The following TNPO1 variants were observed in gnomAD, a reference collection of about 807,000 sequenced individuals.
TNPO1 encodes transportin 1.
Under a neutral mutation model 119.5 loss-of-function variants are expected in TNPO1, and 8 were observed. That is an observed-to-expected ratio of 0.07 (90% confidence interval 0.04 to 0.12). The LOEUF is 0.12. TNPO1 is among the 10% of genes least tolerant of loss of function. The probability of loss-of-function intolerance (pLI) is 1.00; values close to 1 mark genes in which losing one functional copy is unlikely to be tolerated. For missense variants in TNPO1, 576 were observed against 1,089.8 expected (o/e 0.53, Z 6.64); for synonymous variants, 362 against 363.0 (o/e 1.00, Z 0.03).
At chr5:72,888,348 C>G in intron 13 of TNPO1, 45 bp downstream of exon 13, 4 of 1,545,554 alleles carry the variant, frequency 2.6e-6, no homozygotes, top group Non-Finnish European at 3.6e-6. Flanking sequence ...CAGTGAAAAA[C>G]TTAATTTTCA....
chr5:72,816,865 G>T, intron 1 of TNPO1, 113 bp downstream of exon 1: 3 of 1,333,490 alleles, frequency 2.2e-6, no homozygotes, highest in Non-Finnish European at 3.0e-6. Context: ...CCGCTCTCTC[G>T]GCGCCTGCCC....
intron 1 of TNPO1, among the ~76,000 whole-genome samples, chr5:72,818,516 T>C (rs1743800133): frequency 6.6e-6 from 1 of 152,212 alleles, no homozygotes; most frequent in Admixed American, 6.5e-5. Context: ...ATTTTAACCA[T>C]GTTGGATTCT....
chr5:72,844,793 CT>C (rs1745058721), intron 1 of TNPO1, among the ~76,000 whole-genome samples: 1 of 152,136 alleles, frequency 6.6e-6, no homozygotes, highest in Non-Finnish European at 1.5e-5. Context: ...CTCCAGTCTG[CT>C]TTTTAAACTA....
intron 9 of TNPO1, among the ~76,000 whole-genome samples, chr5:72,880,210 AGT>A (rs1262710105): frequency 6.6e-6 from 1 of 152,118 alleles, no homozygotes; most frequent in East Asian, 1.9e-4. Flanking sequence ...AAAAAGCACC[AGT>A]GTAACAAGGA....
chr5:72,885,697 G>T (rs966478458), intron 11 of TNPO1, among the ~76,000 whole-genome samples: 1 of 149,872 alleles, frequency 6.7e-6, no homozygotes, highest in Non-Finnish European at 1.5e-5. Context: ...GATGGGTAAG[G>T]TGTTAATTTC....
intron 5 of TNPO1, among the ~76,000 whole-genome samples, chr5:72,863,175 A>G (rs1164178585): frequency 2.0e-5 from 3 of 151,942 alleles, no homozygotes; most frequent in African/African-American, 7.3e-5. Flanking sequence ...GTAGAAATCT[A>G]TTTTTTGTGG....
rs756173444 is a variant in TNPO1 at position 72,888,065 on chromosome 5, AT to A, written c.1304-5del. ...TAAATTTTAGCATTTTGAAAGATTT[AT>A]TTTTTTTCTAGGTTGCATGCAGGGC... On this transcript the variant is annotated splice_polypyrimidine_tract_variant and intron_variant, in intron 12 of 24. Coordinates refer to ENST00000337273, the MANE Select transcript of TNPO1 (RefSeq NM_002270.4). 3.1e-6 allele frequency: 5 copies of A among 1,600,416 alleles called. No individual in the cohort carries two copies. The highest frequency in any genetic ancestry group is 1.7e-5 in the Admixed American group (1 of 57,710).
At chr5:72,832,279 T>C (rs1744509433) in intron 1 of TNPO1, among the ~76,000 whole-genome samples, 1 of 152,182 alleles carries the variant, frequency 6.6e-6, no homozygotes, top group Non-Finnish European at 1.5e-5. Flanking sequence ...TCTTTGCTAA[T>C]TGGACTAAAA....
chr5:72,861,675 A>G (rs1367817397), intron 4 of TNPO1, 133 bp from the exon 5 acceptor site: 2 of 633,714 alleles, frequency 3.2e-6, no homozygotes, highest in East Asian at 3.0e-5. Context: ...GAATGCTGGG[A>G]TTACAGCATG....
chr5:72,883,619 A>G (rs1407476942), intron 11 of TNPO1, among the ~76,000 whole-genome samples: 2 of 152,186 alleles, frequency 1.3e-5, no homozygotes, highest in African/African-American at 2.4e-5. Flanking sequence ...TTTCATTGTA[A>G]TATGCCACAT....
At position 72,910,423 on chromosome 5, in the gene TNPO1, T is replaced by TATTA. The variant is rs1561371127; in HGVS notation, c.*1754_*1757dup. 6.6e-6 allele frequency: 1 copy of TATTA among 152,606 alleles called. No homozygotes were observed. Among genetic ancestry groups the TATTA allele is most frequent in the Non-Finnish European group, 1.5e-5 (1 of 68,004 alleles). The allele number at this position is 152,606 out of a possible 1,614,324, so 9.5% of individuals were successfully genotyped here. ...GTGTTCATATGAAAGTGCAAGTCTT[T>TATTA]ATTAATTTGGATTGCCTGAACAGTG... is the stretch of plus-strand genomic sequence containing the variant. On this transcript the variant is annotated 3_prime_UTR_variant, in exon 25 of 25. Coordinates refer to ENST00000337273, the MANE Select transcript of TNPO1 (RefSeq NM_002270.4).
intron 1 of TNPO1, among the ~76,000 whole-genome samples, chr5:72,838,322 A>G (rs1744774311): frequency 6.6e-6 from 1 of 152,240 alleles, no homozygotes; most frequent in Non-Finnish European, 1.5e-5. Flanking sequence ...GCAATAAAAC[A>G]GTATACTTGC....
intron 1 of TNPO1, among the ~76,000 whole-genome samples, chr5:72,846,004 A>G (rs932344844): frequency 6.6e-6 from 1 of 152,226 alleles, no homozygotes; most frequent in Non-Finnish European, 1.5e-5. Flanking sequence ...GTATCAGGGG[A>G]AATTAAATTG....
chr5:72,865,494 G>C (rs962277683), intron 5 of TNPO1, 102 bp from the exon 6 acceptor site: 3 of 1,307,452 alleles, frequency 2.3e-6, no homozygotes, highest in Non-Finnish European at 3.2e-6. Flanking sequence ...TTTTATGTGG[G>C]CTGAGAACAT....
intron 1 of TNPO1, chr5:72,848,089 C>G: frequency 9.0e-7 from 1 of 1,112,672 alleles, no homozygotes; most frequent in South Asian, 2.9e-5. Flanking sequence ...CTCCCGTGAG[C>G]GGATCTTGGG....
chr5:72,900,131 T>C, intron 21 of TNPO1, 50 bp downstream of exon 21: 2 of 1,461,434 alleles, frequency 1.4e-6, no homozygotes, highest in Non-Finnish European at 1.9e-6. Flanking sequence ...TCACTCTTTC[T>C]TTCTCTATCT....
intron 1 of TNPO1, among the ~76,000 whole-genome samples, chr5:72,820,115 A>G (rs1252949664): frequency 5.9e-5 from 9 of 152,116 alleles, no homozygotes; most frequent in African/African-American, 2.2e-4. Flanking sequence ...GTAATTTTGT[A>G]TTCTCACCAT....
At chr5:72,845,651 A>C (rs1745096395) in intron 1 of TNPO1, among the ~76,000 whole-genome samples, 1 of 152,270 alleles carries the variant, frequency 6.6e-6, no homozygotes, top group Admixed American at 6.5e-5. Flanking sequence ...TAATTTGAGT[A>C]AGGTGTGGGG....
At chr5:72,818,184 GGCTGCATCTTTCTCCTA>G (rs1001957606) in intron 1 of TNPO1, among the ~76,000 whole-genome samples, 2 of 152,142 alleles carry the variant, frequency 1.3e-5, no homozygotes, top group African/African-American at 2.4e-5. Flanking sequence ...CCCTTGATGT[GGCTGCATCTTTCTCCTA>G]GTCAGGAATT....
Sources: gnomAD v4.1 joint callset for allele counts (sites outside exome capture counted in the v4.1 genomes callset) on GRCh38, gnomAD v4.1.1 for gene constraint, MANE v1.5 for transcripts, NCBI Gene and HGNC (gene_info 2026-07-23, HGNC 2026-07-21) for gene names.